Variants in MSRA observed in about 807,000 individuals in gnomAD.
MSRA encodes mitochondrial peptide methionine sulfoxide reductase.
In MSRA, 54 loss-of-function variants were observed where a neutral mutation model predicts 31.3. The ratio of observed to expected loss-of-function variants is 1.73; its 90% CI spans 1.39 to 2.17. The LOEUF (loss-of-function observed/expected upper bound fraction) is 2.17. MSRA is among the 30% of genes most tolerant of loss of function. The probability of loss-of-function intolerance (pLI) is 0.00; values close to 1 mark genes in which losing one functional copy is unlikely to be tolerated. For synonymous variants in MSRA, 169 were observed against 116.5 expected (o/e 1.45, Z -2.90); for missense variants, 507 against 300.9 (o/e 1.69, Z -5.07).
At chr8:10,392,414 G>T (rs1025028241) in intron 5 of MSRA, among the ~76,000 whole-genome samples, 5 of 152,294 alleles carry the variant, frequency 3.3e-5, no homozygotes, top group African/African-American at 4.8e-5. Context: ...TGGCTGGTCA[G>T]TGTCAAGGCT....
chr8:10,247,017 T>C (rs557982982), intron 3 of MSRA, among the ~76,000 whole-genome samples: 3 of 152,344 alleles, frequency 2.0e-5, no homozygotes, highest in Admixed American at 2.0e-4. Flanking sequence ...AAGTATCTAT[T>C]GCTTTATACC....
intron 1 of MSRA, among the ~76,000 whole-genome samples, chr8:10,089,558 C>G (rs1042136920): frequency 6.6e-6 from 1 of 152,218 alleles, no homozygotes; most frequent in Non-Finnish European, 1.5e-5. Context: ...AGCGGGTAGA[C>G]GAGAGGTAGG....
At chr8:10,334,143 A>G (rs1802876577) in intron 5 of MSRA, among the ~76,000 whole-genome samples, 2 of 149,590 alleles carry the variant, frequency 1.3e-5, no homozygotes, top group Admixed American at 1.3e-4. Flanking sequence ...ATCATCTCTT[A>G]TCTTACCAAC....
intron 5 of MSRA, among the ~76,000 whole-genome samples, chr8:10,357,818 T>C (rs995597823): frequency 6.6e-6 from 1 of 152,254 alleles, no homozygotes; most frequent in Admixed American, 6.5e-5. Context: ...TGTTATCAAA[T>C]ACTGTGAGTT....
chr8:10,392,467 C>T (rs1326393663), intron 5 of MSRA, among the ~76,000 whole-genome samples: 3 of 152,120 alleles, frequency 2.0e-5, no homozygotes, highest in Non-Finnish European at 4.4e-5. Flanking sequence ...GGGTTCCTCC[C>T]TCCAACCTGC....
chr8:10,254,887 T>C (rs2129088762), intron 3 of MSRA, among the ~76,000 whole-genome samples: 1 of 152,340 alleles, frequency 6.6e-6, no homozygotes, highest in South Asian at 2.1e-4. Context: ...CTGGAAGCGT[T>C]TAGATGGATG....
chr8:10,194,222 T>C (rs1223272279), intron 1 of MSRA, among the ~76,000 whole-genome samples: 11 of 152,156 alleles, frequency 7.2e-5, no homozygotes, highest in Admixed American at 7.2e-4. Context: ...TTTATTTCTA[T>C]CCAAAATTTT....
intron 5 of MSRA, among the ~76,000 whole-genome samples, chr8:10,402,657 C>A (rs1247523778): frequency 1.3e-5 from 2 of 152,196 alleles, no homozygotes; most frequent in Admixed American, 1.3e-4. Context: ...TGGAAAGAAA[C>A]TGTCCCGACA....
chr8:10,210,287 C>G (rs1300679045), intron 2 of MSRA, among the ~76,000 whole-genome samples: 1 of 152,184 alleles, frequency 6.6e-6, no homozygotes, highest in Admixed American at 6.5e-5. Context: ...GGTGGAGCTA[C>G]AGTTTGAGCC....
chr8:10,152,205 C>T (rs997628430), intron 1 of MSRA, among the ~76,000 whole-genome samples: 5 of 152,162 alleles, frequency 3.3e-5, no homozygotes, highest in African/African-American at 1.2e-4. Context: ...GAGAACAAAA[C>T]TGTCTGTGTG....
intron 3 of MSRA, among the ~76,000 whole-genome samples, chr8:10,271,259 C>A (rs1265721273): frequency 2.0e-5 from 3 of 152,100 alleles, no homozygotes; most frequent in East Asian, 3.9e-4. Flanking sequence ...TAGAGAAATG[C>A]TTTCTGTGAT....
At chr8:10,125,583 G>A (rs377327024) in intron 1 of MSRA, among the ~76,000 whole-genome samples, 23 of 152,254 alleles carry the variant, frequency 1.5e-4, no homozygotes, top group Admixed American at 5.9e-4. Flanking sequence ...CTCCTGAACC[G>A]GGCTAAGGAG....
chr8:10,142,247 C>T (rs1047225729), intron 1 of MSRA, among the ~76,000 whole-genome samples: 5 of 151,986 alleles, frequency 3.3e-5, no homozygotes. Context: ...CATGAGCCAC[C>T]GTGCCTGGCC....
intron 1 of MSRA, among the ~76,000 whole-genome samples, chr8:10,077,686 C>T (rs989469442): frequency 1.3e-5 from 2 of 151,922 alleles, no homozygotes; most frequent in Non-Finnish European, 2.9e-5. Context: ...CCTCACTCTT[C>T]CCTCCCTCGC....
intron 1 of MSRA, among the ~76,000 whole-genome samples, chr8:10,103,160 A>T (rs773432022): frequency 6.6e-6 from 1 of 152,100 alleles, no homozygotes. Context: ...TAAGATTTCC[A>T]TTTTTTTGGT....
chr8:10,164,754 G>A, intron 1 of MSRA, among the ~76,000 whole-genome samples: 1 of 152,166 alleles, frequency 6.6e-6, no homozygotes, highest in East Asian at 1.9e-4. Context: ...AAAATCACCT[G>A]AGCCAGTGGC....
rs370129610 is a variant in MSRA, at chr8:10,319,959, A to G, written c.513A>G (p.Ala171=). ...CGACCTCTGCCAAGCAAATGGAGGC[A>G]GCCCTGAGCTCCAAAGAGAACTACC... ...IYPTSAKQME[A]ALSSKENYQK... Residue 171 remains alanine (A), a synonymous_variant, in exon 5 of 6, where the codon GCA becomes GCG. Transcript: ENST00000317173. 4.4e-5 allele frequency: 71 copies of G among 1,601,314 alleles called. No individual in the cohort carries two copies. Among genetic ancestry groups the G allele is most frequent in the African/African-American group, 2.5e-4 (19 of 74,636 alleles).
At chr8:10,265,825 G>A (rs564161758) in intron 3 of MSRA, among the ~76,000 whole-genome samples, 1 of 152,318 alleles carries the variant, frequency 6.6e-6, no homozygotes, top group Admixed American at 6.5e-5. Context: ...CATGACAGGT[G>A]TGTTTGCATT....
intron 5 of MSRA, among the ~76,000 whole-genome samples, chr8:10,331,699 A>T (rs1377571705): frequency 2.0e-5 from 3 of 152,210 alleles, no homozygotes; most frequent in Non-Finnish European, 4.4e-5. Context: ...GGACCCTCTG[A>T]AGATACCAAA....
Sources: allele counts gnomAD v4.1 joint callset (sites outside exome capture counted in the v4.1 genomes callset), GRCh38; gene constraint gnomAD v4.1.1; transcripts MANE v1.5; gene names NCBI Gene and HGNC (gene_info 2026-07-23, HGNC 2026-07-21).